SPAG9: variants seen among roughly 807,000 people sequenced by gnomAD.
SPAG9 encodes sperm associated antigen 9.
A neutral mutation model predicts 166.5 loss-of-function variants in SPAG9; 35 were observed. The observed-to-expected ratio is 0.21, with a 90% CI of 0.16 to 0.28. The LOEUF (loss-of-function observed/expected upper bound fraction) is 0.28. Ranked by LOEUF, SPAG9 falls within the 10% of genes least tolerant of loss-of-function variation. The probability of loss-of-function intolerance (pLI) is 1.00; values close to 1 mark genes in which losing one functional copy is unlikely to be tolerated. For synonymous variants in SPAG9, 534 were observed against 565.5 expected (o/e 0.94, Z 0.79); for missense variants, 1,235 against 1,603.3 (o/e 0.77, Z 3.92).
At chr17:50,978,802 T>G (rs1974372425) in intron 26 of SPAG9, among the ~76,000 whole-genome samples, 2 of 152,118 alleles carry the variant, frequency 1.3e-5, no homozygotes, top group South Asian at 4.1e-4. Context: ...GGAGAGTGTT[T>G]GAGAACATGT....
intron 2 of SPAG9, among the ~76,000 whole-genome samples, chr17:51,073,375 A>G (rs185682455): frequency 6.6e-6 from 1 of 152,116 alleles, no homozygotes; most frequent in Admixed American, 6.6e-5. Flanking sequence ...TTGTAGTCCC[A>G]GCTACTCGGA....
At position 50,989,705 on chromosome 17, in the gene SPAG9, C is replaced by T; in HGVS notation, c.2785G>A (p.Glu929Lys). ...FTDPLGVQIP[E>K]DLSPVYQSSN... is the part of the protein sequence containing the mutation. The stretch of plus-strand genomic sequence containing the variant: ...GACTGATACACTGGGGAGAGGTCTT[C>T]TGGGATCTGAACTCCCAAAGGATCT... Residue 929 changes from glutamate to lysine, a missense_variant, in exon 21 of 30, where the codon GAA becomes AAA. Glu to Lys is a moderately conservative substitution (Grantham distance 56). Around this residue, in one of 6 missense-constraint regions of SPAG9, gnomAD observed 493 missense variants for 559.4 expected, o/e 0.88. Transcript: ENST00000262013. 1.9e-6 allele frequency: 3 copies of T among 1,614,138 alleles called. No homozygotes were observed. Among genetic ancestry groups the T allele is most frequent in the East Asian group, 2.2e-5 (1 of 44,882 alleles).
At chr17:51,037,183 G>A (rs1331752972) in intron 5 of SPAG9, among the ~76,000 whole-genome samples, 1 of 152,042 alleles carries the variant, frequency 6.6e-6, no homozygotes, top group African/African-American at 2.4e-5. Flanking sequence ...GCTCACTATA[G>A]CCTCAGCCTC....
In SPAG9 at chr17:51,111,329, T is replaced by C. The variant is rs549736904; in HGVS notation, c.303+9025A>G. 5.3e-5 allele frequency among the ~76,000 whole-genome samples: 8 copies of C among 152,340 alleles called. No homozygotes were observed. The South Asian group carries it at 1.0e-3, about 20-fold the overall frequency. ...CTTATTTAGATAACAGCTGTATTCA[T>C]TGAGTGCAGAGCAGAGCAAAATAAC... is the stretch of plus-strand genomic sequence containing the variant. On this transcript the variant is annotated intron_variant, in intron 1 of 29. Coordinates refer to ENST00000262013, the MANE Select transcript of SPAG9 (RefSeq NM_001130528.3).
At position 51,120,297 on chromosome 17, in the gene SPAG9, C is replaced by CG. The variant is rs397805057; in HGVS notation, c.303+56dup. On this transcript the variant is annotated intron_variant, in intron 1 of 29. Transcript: ENST00000262013. This position sits in a 1 kb window ranked among gnomAD's most constrained non-coding sequence, Gnocchi z 4.7. ...CTAGTCCCCGACCGGGCCGCGACCCCGCCCCGGCCGCCCCCGGAGACGGAT... is the reference window on the plus strand; with the variant it reads ...CTAGTCCCCGACCGGGCCGCGACCCCGGCCCCGGCCGCCCCCGGAGACGGAT... 1 of 1,428,104 alleles carries CG rather than the reference C, an allele frequency of 7.0e-7. No individual in the cohort carries two copies. Among genetic ancestry groups the CG allele is most frequent in the African/African-American group, 1.5e-5 (1 of 68,250 alleles). 88.5% of individuals were successfully genotyped at this position (1,428,104 alleles called of 1,614,324 possible). A position where few individuals can be genotyped will look rare whatever the true frequency, so the allele number is the denominator to read the frequency against.
chr17:51,091,704 G>A (rs1452349452), intron 1 of SPAG9, among the ~76,000 whole-genome samples: 2 of 151,518 alleles, frequency 1.3e-5, no homozygotes, highest in African/African-American at 4.9e-5. Flanking sequence ...TTTTCAGCAG[G>A]TATAATAACA....
intron 5 of SPAG9, among the ~76,000 whole-genome samples, chr17:51,032,391 T>C (rs569674553): frequency 1.3e-5 from 2 of 152,286 alleles, no homozygotes; most frequent in South Asian, 2.1e-4. Context: ...CTTGAACTCC[T>C]GGGCTCAAGT....
At chr17:51,008,942 C>T (rs1397311779) in intron 9 of SPAG9, among the ~76,000 whole-genome samples, 1 of 152,042 alleles carries the variant, frequency 6.6e-6, no homozygotes, top group Non-Finnish European at 1.5e-5. Flanking sequence ...TGGTTGAAAA[C>T]AGTTTATATA....
intron 2 of SPAG9, among the ~76,000 whole-genome samples, chr17:51,076,639 G>A (rs558345533): frequency 1.6e-4 from 25 of 152,122 alleles, no homozygotes; most frequent in African/African-American, 5.5e-4. Context: ...GGGAGGCTGA[G>A]GCAGGAGAAT....
chr17:50,990,657 T>C lies in SPAG9; in HGVS notation c.2410A>G (p.Thr804Ala), dbSNP rs931516723. Reference sequence around the variant, plus strand: ...AGATCTTCTCCTGCAGGGTAGTCTGTTTCTCGTGCACCTGAAAAATAAATC... The same window carrying C: ...AGATCTTCTCCTGCAGGGTAGTCTGCTTCTCGTGCACCTGAAAAATAAATC... ...CIASVPGARE[T>A]DYPAGEDLSE... Residue 804 changes from threonine to alanine, a missense_variant, in exon 20 of 30, where the codon ACA (threonine) becomes GCA (alanine). Coordinates refer to ENST00000262013, the MANE Select transcript of SPAG9 (RefSeq NM_001130528.3). 5 of 1,613,832 alleles carry C rather than the reference T, an allele frequency of 3.1e-6. No individual in the cohort carries two copies. The African/African-American group carries it at 4.0e-5, about 13-fold the overall frequency.
At chr17:51,103,589 A>G (rs1461975316) in intron 1 of SPAG9, among the ~76,000 whole-genome samples, 1 of 152,178 alleles carries the variant, frequency 6.6e-6, no homozygotes, top group Admixed American at 6.6e-5. Flanking sequence ...CCAGATCACA[A>G]GGTCTTGTAT....
intron 2 of SPAG9, among the ~76,000 whole-genome samples, chr17:51,072,437 C>A (rs1332892219): frequency 6.7e-6 from 1 of 149,824 alleles, no homozygotes; most frequent in Non-Finnish European, 1.5e-5. Context: ...AATCCCAGCA[C>A]TTTGGGAGGC....
intron 6 of SPAG9, among the ~76,000 whole-genome samples, chr17:51,025,352 T>A (rs1406913304): frequency 6.8e-6 from 1 of 147,766 alleles, no homozygotes; most frequent in Non-Finnish European, 1.5e-5. Flanking sequence ...AAAAATGCTA[T>A]TTTCTTGAAT....
At chr17:51,075,769 A>G (rs1480372068) in intron 2 of SPAG9, among the ~76,000 whole-genome samples, 1 of 152,030 alleles carries the variant, frequency 6.6e-6, no homozygotes, top group Admixed American at 6.6e-5. Flanking sequence ...GGATACAGTG[A>G]GCTATGATCG....
chr17:51,058,498 T>C (rs1204911880), intron 2 of SPAG9, among the ~76,000 whole-genome samples: 1 of 152,232 alleles, frequency 6.6e-6, no homozygotes, highest in Non-Finnish European at 1.5e-5. Flanking sequence ...TCTGTGTTCT[T>C]AATTACCATG....
chr17:51,058,399 T>C (rs2047416178), intron 2 of SPAG9, among the ~76,000 whole-genome samples: 1 of 152,188 alleles, frequency 6.6e-6, no homozygotes, highest in African/African-American at 2.4e-5. Flanking sequence ...ATGAGGAAAC[T>C]GAAGCAAATA....
rs571809302 is a variant in SPAG9, at chr17:51,030,335, T to C, written c.783+1346A>G. ...AGCCTAACTTCTGAAATAAGTCATA[T>C]AAAGGCAAGCAACTCTGCTACCTAA... On this transcript the variant is annotated intron_variant, in intron 6 of 29. Transcript: ENST00000262013. Among the ~76,000 whole-genome samples, 9 of 152,302 alleles carry C rather than the reference T, an allele frequency of 5.9e-5. No individual in the cohort carries two copies. The East Asian group carries it at 1.7e-3, about 29-fold the overall frequency.
intron 1 of SPAG9, among the ~76,000 whole-genome samples, chr17:51,107,780 T>C (rs1487103406): frequency 6.7e-6 from 1 of 150,166 alleles, no homozygotes; most frequent in Non-Finnish European, 1.5e-5. Context: ...ATGTTGCATG[T>C]GGCTCACAAC....
chr17:51,023,158 A>G (rs2046008892), intron 6 of SPAG9, among the ~76,000 whole-genome samples: 1 of 147,982 alleles, frequency 6.8e-6, no homozygotes, highest in African/African-American at 2.5e-5. Flanking sequence ...ACACATACTA[A>G]GAATTTAAAA....
Sources: allele counts gnomAD v4.1 joint callset (sites outside exome capture counted in the v4.1 genomes callset), GRCh38; gene constraint gnomAD v4.1.1; regional missense constraint gnomAD v4.1.1; non-coding constraint Gnocchi (gnomAD v3.1); transcripts MANE v1.5; gene names NCBI Gene and HGNC (gene_info 2026-07-23, HGNC 2026-07-21).